Variants in DMD observed in about 807,000 individuals in gnomAD.
The protein encoded by DMD is dystrophin.
Under a neutral mutation model 330.1 loss-of-function variants are expected in DMD, and 63 were observed. The ratio of observed to expected loss-of-function variants is 0.19; its 90% CI spans 0.16 to 0.24. The LOEUF (loss-of-function observed/expected upper bound fraction) is 0.24. Among genes scored for constraint, DMD ranks in the 10% least tolerant of loss-of-function variants. The pLI is 1.00. For synonymous variants in DMD, 1,223 were observed against 959.8 expected (o/e 1.27, Z -5.07); for missense variants, 3,344 against 2,684.1 (o/e 1.25, Z -5.43).
chrX:33,324,073 T>C (rs764437926), intron 1 of DMD, among the ~76,000 whole-genome samples: 7 of 111,472 alleles, frequency 6.3e-5, no homozygotes, highest in Admixed American at 5.8e-4. Flanking sequence ...AAAATGATTA[T>C]ATATAAAATT....
chrX:32,803,765 T>C (rs891125705), intron 7 of DMD, among the ~76,000 whole-genome samples: 1 of 112,291 alleles, frequency 8.9e-6, no homozygotes, highest in African/African-American at 3.2e-5. Context: ...CATGTAGTTG[T>C]GCACTTTTGA....
intron 51 of DMD, among the ~76,000 whole-genome samples, chrX:31,749,961 C>T (rs1236719639): frequency 1.9e-5 from 2 of 107,591 alleles, no homozygotes; most frequent in African/African-American, 6.9e-5. Context: ...AGTGTCTGTT[C>T]ATGTCCTTCG....
Position 32,995,024 on chromosome X carries a change from A to G in DMD, c.93+25115T>C, listed in dbSNP as rs2093078956. ...GCTACTTGGGGGTTCAGGTAGGAGG[A>G]TGGCTTGGAGGTCAAGGCTGCAATG... On this transcript the variant is annotated intron_variant, in intron 2 of 78. Transcript: ENST00000357033. Among the ~76,000 whole-genome samples the G allele has an allele frequency of 3.6e-5, 4 of 111,490 alleles. No homozygotes were observed. The Admixed American group carries it at 3.8e-4, about 11-fold the overall frequency.
intron 9 of DMD, among the ~76,000 whole-genome samples, chrX:32,667,978 TA>T (rs113039155): frequency 0.077 from 7,763 of 101,285 alleles, 319 homozygotes; most frequent in African/African-American, 0.15. Context: ...TGTCACTATT[TA>T]AAAAAAAAAA....
intron 60 of DMD, among the ~76,000 whole-genome samples, chrX:31,387,699 C>T (rs934584007): frequency 2.7e-5 from 3 of 111,715 alleles, no homozygotes; most frequent in African/African-American, 9.8e-5. Context: ...CACACCTGGC[C>T]TAATTCTTTT....
At chrX:32,836,401 ATACT>A (rs1197696133) in intron 4 of DMD, among the ~76,000 whole-genome samples, 4 of 110,876 alleles carry the variant, frequency 3.6e-5, no homozygotes, top group African/African-American at 1.3e-4. Flanking sequence ...TCTATATCTC[ATACT>A]TAATATTTCC....
At chrX:33,155,363 T>A (rs945588583) in intron 1 of DMD, among the ~76,000 whole-genome samples, 14 of 108,217 alleles carry the variant, frequency 1.3e-4, no homozygotes, top group Non-Finnish European at 3.8e-5. Flanking sequence ...TCACCCAGGC[T>A]GGAGTGCAGT....
chrX:32,678,102 G>A (rs1023306680), intron 9 of DMD, among the ~76,000 whole-genome samples: 5 of 111,675 alleles, frequency 4.5e-5, no homozygotes, highest in Non-Finnish European at 9.4e-5. Flanking sequence ...AGGCTGAAAG[G>A]AGGAGAAAAT....
intron 2 of DMD, among the ~76,000 whole-genome samples, chrX:32,910,868 A>G (rs1226841945): frequency 8.9e-6 from 1 of 112,199 alleles, no homozygotes; most frequent in Non-Finnish European, 1.9e-5. Context: ...TTCTTTCTCC[A>G]CAAAGCCATG....
At chrX:31,595,569 C>T (rs892457020) in intron 55 of DMD, among the ~76,000 whole-genome samples, 6 of 111,146 alleles carry the variant, frequency 5.4e-5, no homozygotes, top group African/African-American at 2.0e-4. Flanking sequence ...TTTAATGACT[C>T]CCCTGAATAA....
Position 32,479,131 on chromosome X carries a change from TATC to T in DMD, c.2803+5785_2803+5787del, listed in dbSNP as rs375506190. On this transcript the variant is annotated intron_variant, in intron 21 of 78. Coordinates refer to ENST00000357033, the MANE Select transcript of DMD (RefSeq NM_004006.3). Reference sequence around the variant, plus strand: ...CCACTTAGCAATCCTATTTTCAAAATATCATGTTAAACTATTTCATATTTAACT... The same window carrying T: ...CCACTTAGCAATCCTATTTTCAAAATATGTTAAACTATTTCATATTTAACT... 4.3e-3 allele frequency among the ~76,000 whole-genome samples: 478 copies of T among 111,533 alleles called. 3 individuals carry two copies. Among genetic ancestry groups the T allele is most frequent in the African/African-American group, 0.015 (454 of 30,767 alleles).
intron 7 of DMD, among the ~76,000 whole-genome samples, chrX:32,778,260 A>AAT (rs1381246168): frequency 2.7e-5 from 3 of 109,301 alleles, no homozygotes; most frequent in Non-Finnish European, 5.7e-5. Context: ...AAAAAAAAAA[A>AAT]ATATGGACTT....
At chrX:31,266,977 C>G (rs1006574024) in intron 62 of DMD, 3 of 949,430 alleles carry the variant, frequency 3.2e-6, no homozygotes, top group East Asian at 3.9e-5. Context: ...GCGGGCGGGC[C>G]GGGGAGGGGG....
At chrX:33,217,433 T>A (rs1241447390) in intron 1 of DMD, among the ~76,000 whole-genome samples, 1 of 111,816 alleles carries the variant, frequency 8.9e-6, no homozygotes, top group Non-Finnish European at 1.9e-5. Context: ...TATCTCCGTT[T>A]ATTTAAGTCT....
intron 43 of DMD, among the ~76,000 whole-genome samples, chrX:32,253,350 C>G (rs1354055672): frequency 9.0e-6 from 1 of 110,645 alleles, no homozygotes; most frequent in African/African-American, 3.3e-5. Context: ...AGTTTAAGTT[C>G]CACAATTACT....
intron 30 of DMD, among the ~76,000 whole-genome samples, chrX:32,400,098 C>G (rs1343710452): frequency 9.0e-6 from 1 of 111,537 alleles, no homozygotes; most frequent in African/African-American, 3.3e-5. Flanking sequence ...GTGGGTTTGT[C>G]ATAGATAGCT....
At chrX:31,961,675 C>A (rs1462817597) in intron 45 of DMD, among the ~76,000 whole-genome samples, 2 of 105,069 alleles carry the variant, frequency 1.9e-5, no homozygotes, top group East Asian at 6.0e-4. Flanking sequence ...TAAGATGAGT[C>A]TTAAGGGATG....
At chrX:31,365,138 A>T (rs752355055) in intron 60 of DMD, among the ~76,000 whole-genome samples, 1 of 107,668 alleles carries the variant, frequency 9.3e-6, no homozygotes, top group African/African-American at 3.4e-5. Context: ...AGATGCCACA[A>T]GGTTATCAAT....
At chrX:33,041,283 C>A in intron 1 of DMD, 2 of 753,119 alleles carry the variant, frequency 2.7e-6, no homozygotes, top group South Asian at 2.3e-5. Flanking sequence ...AGTGGCCGCG[C>A]AGCCTGCGCA....
Sources: allele counts gnomAD v4.1 joint callset (sites outside exome capture counted in the v4.1 genomes callset), GRCh38; gene constraint gnomAD v4.1.1; transcripts MANE v1.5; gene names NCBI Gene and HGNC (gene_info 2026-07-23, HGNC 2026-07-21).